Variants in LAMA2 observed in about 807,000 individuals in gnomAD.
The protein encoded by LAMA2 is laminin subunit alpha 2, also known as laminin subunit alpha-2.
A neutral mutation model predicts 364.8 loss-of-function variants in LAMA2; 269 were observed. That is an observed-to-expected ratio of 0.74 (90% confidence interval 0.67 to 0.82). The LOEUF (loss-of-function observed/expected upper bound fraction) is 0.82. Ranked by LOEUF, LAMA2 falls within the 40% of genes least tolerant of loss-of-function variation. The pLI is 0.00. For missense variants in LAMA2, 3,807 were observed against 3,873.2 expected (o/e 0.98, Z 0.45); for synonymous variants, 1,379 against 1,370.6 (o/e 1.01, Z -0.14).
intron 2 of LAMA2, among the ~76,000 whole-genome samples, chr6:129,058,566 A>G (rs556092200): frequency 4.6e-5 from 7 of 152,302 alleles, no homozygotes; most frequent in Non-Finnish European, 1.0e-4. Flanking sequence ...AGATTCCTCC[A>G]CTAGAGTTAG....
chr6:129,398,693 C>G (rs1414074614), intron 37 of LAMA2, among the ~76,000 whole-genome samples: 2 of 151,916 alleles, frequency 1.3e-5, no homozygotes, highest in Non-Finnish European at 2.9e-5. Context: ...AGGCTGGTCT[C>G]GGACTCCTGA....
At chr6:129,012,810 G>A (rs1784844409) in intron 1 of LAMA2, among the ~76,000 whole-genome samples, 2 of 152,184 alleles carry the variant, frequency 1.3e-5, no homozygotes, top group Non-Finnish European at 2.9e-5. Context: ...TTTTGCCTGT[G>A]AGATACGGAT....
At chr6:129,159,535 T>C (rs1320561056) in intron 8 of LAMA2, among the ~76,000 whole-genome samples, 1 of 152,312 alleles carries the variant, frequency 6.6e-6, no homozygotes, top group East Asian at 1.9e-4. Context: ...TCTTTATTAA[T>C]TCTAGTAGTT....
At chr6:129,354,120 A>G (rs1363682560) in intron 32 of LAMA2, among the ~76,000 whole-genome samples, 1 of 152,162 alleles carries the variant, frequency 6.6e-6, no homozygotes, top group Non-Finnish European at 1.5e-5. Context: ...TTATTTCAAC[A>G]TTTACCTATT....
At chr6:128,952,400 G>A (rs1425048928) in intron 1 of LAMA2, among the ~76,000 whole-genome samples, 1 of 151,998 alleles carries the variant, frequency 6.6e-6, no homozygotes, top group African/African-American at 2.4e-5. Flanking sequence ...GAATTTTGGA[G>A]CAGCTACCAT....
At chr6:129,237,234 C>T (rs1027047869) in intron 12 of LAMA2, among the ~76,000 whole-genome samples, 1 of 152,140 alleles carries the variant, frequency 6.6e-6, no homozygotes, top group Non-Finnish European at 1.5e-5. Flanking sequence ...TTGTCATTTC[C>T]ATCATCATTT....
chr6:129,179,852 A>G (rs972478506), intron 10 of LAMA2, among the ~76,000 whole-genome samples: 5 of 152,190 alleles, frequency 3.3e-5, no homozygotes, highest in South Asian at 2.1e-4. Flanking sequence ...AATTATATGC[A>G]TATAACATGA....
At chr6:129,332,023 T>A (rs1266391875) in intron 29 of LAMA2, among the ~76,000 whole-genome samples, 2 of 152,208 alleles carry the variant, frequency 1.3e-5, no homozygotes, top group African/African-American at 4.8e-5. Context: ...ATCTACATAG[T>A]GGTATTCCTG....
intron 4 of LAMA2, among the ~76,000 whole-genome samples, chr6:129,117,735 C>T (rs775789076): frequency 1.1e-4 from 16 of 152,196 alleles, no homozygotes; most frequent in Admixed American, 6.5e-5. Flanking sequence ...TTCTAAATGC[C>T]TTGCATCTTG....
chr6:129,432,469 G>C (rs758777343), intron 41 of LAMA2, among the ~76,000 whole-genome samples: 2 of 152,140 alleles, frequency 1.3e-5, no homozygotes, highest in African/African-American at 2.4e-5. Flanking sequence ...AGAGACAAAG[G>C]CCTGTGCAAT....
chr6:129,445,527 C>T, intron 44 of LAMA2, 140 bp from the exon 45 acceptor site: 2 of 714,822 alleles, frequency 2.8e-6, no homozygotes, highest in Non-Finnish European at 4.9e-6. Context: ...TTTGCCATCA[C>T]ACATTTTGCT....
intron 1 of LAMA2, among the ~76,000 whole-genome samples, chr6:128,941,163 C>G (rs9375603): frequency 0.79 from 120,703 of 152,118 alleles, 48,220 homozygotes; most frequent in South Asian, 0.86. Context: ...ATAAAATAAG[C>G]CTTGCTGGAG....
At position 129,098,298 on chromosome 6, in the gene LAMA2, G is replaced by T. The variant is rs760338218; in HGVS notation, c.522G>T (p.Thr174=). 6.2e-7 allele frequency: 1 copy of T among 1,614,008 alleles called. No individual in the cohort carries two copies. The highest frequency in any genetic ancestry group is 1.7e-5 in the Admixed American group (1 of 60,006). ...GGCAGTATCATGCTGTGACAGACAC[G>T]GAGTGCCTAACGCTTTACAATATTT... ...KPWQYHAVTD[T]ECLTLYNIYP... is the part of the protein sequence containing the mutation. Residue 174 remains threonine (T), a synonymous_variant, in exon 4 of 65, where the codon ACG becomes ACT. Coordinates refer to ENST00000421865, the MANE Select transcript of LAMA2 (RefSeq NM_000426.4).
chr6:128,957,482 T>G (rs1355067057), intron 1 of LAMA2, among the ~76,000 whole-genome samples: 1 of 152,146 alleles, frequency 6.6e-6, no homozygotes, highest in Admixed American at 6.6e-5. Context: ...AATAGTTATC[T>G]TTTAAAGTCT....
intron 3 of LAMA2, among the ~76,000 whole-genome samples, chr6:129,085,924 G>A (rs1774356099): frequency 6.6e-6 from 1 of 152,186 alleles, no homozygotes; most frequent in Admixed American, 6.5e-5. Flanking sequence ...TTGAGAAAAT[G>A]TCTGTATAGT....
chr6:129,492,983 C>T (rs1317498647), intron 58 of LAMA2, among the ~76,000 whole-genome samples: 1 of 151,926 alleles, frequency 6.6e-6, no homozygotes, highest in South Asian at 2.1e-4. Flanking sequence ...GGTGAAACCC[C>T]GTCTCTTCTA....
At chr6:129,438,160 G>A (rs905944577) in intron 41 of LAMA2, among the ~76,000 whole-genome samples, 1 of 151,518 alleles carries the variant, frequency 6.6e-6, no homozygotes, top group Non-Finnish European at 1.5e-5. Context: ...TTTCTTTAAT[G>A]TGTATTTTTG....
In LAMA2 at chr6:129,340,528, G is replaced by C. The variant is rs73587303; in HGVS notation, c.4312-1815G>C. 7.4e-3 allele frequency among the ~76,000 whole-genome samples: 1,131 copies of C among 152,198 alleles called. 16 individuals are homozygous for C. The highest frequency in any genetic ancestry group is 0.026 in the African/African-American group (1,073 of 41,524). ...AAACCAAGGGAGCATCCAAATTAGA[G>C]CTTTCTTATCTCTTAAAGTAGGGTA... On this transcript the variant is annotated intron_variant, in intron 29 of 64. Coordinates refer to ENST00000421865, the MANE Select transcript of LAMA2 (RefSeq NM_000426.4).
intron 12 of LAMA2, among the ~76,000 whole-genome samples, chr6:129,248,358 C>G (rs1451601531): frequency 6.6e-6 from 1 of 152,146 alleles, no homozygotes; most frequent in Non-Finnish European, 1.5e-5. Flanking sequence ...ATTAGCAAAT[C>G]AAGTATCATA....
Sources: allele counts gnomAD v4.1 joint callset (sites outside exome capture counted in the v4.1 genomes callset), GRCh38; gene constraint gnomAD v4.1.1; transcripts MANE v1.5; gene names NCBI Gene and HGNC (gene_info 2026-07-23, HGNC 2026-07-21).